FHIP1A: variants seen among roughly 807,000 people sequenced by gnomAD.
FHIP1A encodes FHF complex subunit HOOK-interacting protein 1A.
In FHIP1A, 61 loss-of-function variants were observed where a neutral mutation model predicts 88.6. The ratio of observed to expected loss-of-function variants is 0.69; its 90% confidence interval spans 0.56 to 0.85. FHIP1A has a LOEUF of 0.85. Ranked by LOEUF, FHIP1A falls within the 40% of genes least tolerant of loss-of-function variation. FHIP1A has a pLI of 0.00. For missense variants in FHIP1A, 1,154 were observed against 1,273.5 expected (o/e 0.91, Z 1.43); for synonymous variants, 478 against 496.0 (o/e 0.96, Z 0.48).
At chr4:151,580,149 T>G (rs1385810569) in intron 5 of FHIP1A, among the ~76,000 whole-genome samples, 2 of 152,192 alleles carry the variant, frequency 1.3e-5, no homozygotes, top group Admixed American at 6.5e-5. Flanking sequence ...TCAGGTCTCT[T>G]TAGTCTCCGT....
At chr4:151,606,614 A>G (rs963691800) in intron 7 of FHIP1A, among the ~76,000 whole-genome samples, 2 of 152,206 alleles carry the variant, frequency 1.3e-5, no homozygotes, top group Non-Finnish European at 2.9e-5. Flanking sequence ...TTCTACTTAT[A>G]TATTTCAATA....
Position 151,566,318 on chromosome 4 carries a change from T to C in FHIP1A, c.59T>C (p.Val20Ala), listed in dbSNP as rs1470457664. The change falls in exon 4 of 14, where the codon GTT becomes GCT. Residue 20 changes from valine (V) to alanine (A), a missense_variant. Physicochemically the swap from Val to Ala is moderately conservative, Grantham distance 64 (BLOSUM62 0). Transcript: ENST00000435205. Reference protein sequence around the residue: ...KLQQAVSLQGVDPETCMIVFK... With the variant: ...KLQQAVSLQGADPETCMIVFK... ...CAGCAGGCTGTGAGCCTACAGGGAG[T>C]TGACCCAGAAACATGCATGATTGTA... is the stretch of plus-strand genomic sequence containing the variant. The C allele has an allele frequency of 4.5e-6, 7 of 1,550,758 alleles. No individual in the cohort carries two copies. Among genetic ancestry groups the C allele is most frequent in the Admixed American group, 3.9e-5 (2 of 50,940 alleles).
intron 1 of FHIP1A, among the ~76,000 whole-genome samples, chr4:151,415,291 A>C (rs1033830283): frequency 6.6e-6 from 1 of 151,896 alleles, no homozygotes; most frequent in Non-Finnish European, 1.5e-5. Context: ...GGTTCGAGCA[A>C]TTCTCCTGCC....
chr4:151,455,877 A>G (rs1728949235), intron 2 of FHIP1A, among the ~76,000 whole-genome samples: 1 of 152,256 alleles, frequency 6.6e-6, no homozygotes, highest in Admixed American at 6.5e-5. Flanking sequence ...GTGGAAGTAT[A>G]TAAAACATAT....
intron 7 of FHIP1A, among the ~76,000 whole-genome samples, chr4:151,627,885 A>C (rs75098622): frequency 5.1e-4 from 77 of 152,338 alleles, no homozygotes; most frequent in African/African-American, 1.8e-3. Flanking sequence ...TTTATGTGCC[A>C]GGCTTTGTGC....
chr4:151,606,220 C>T (rs1334659370), intron 7 of FHIP1A, among the ~76,000 whole-genome samples: 3 of 152,138 alleles, frequency 2.0e-5, no homozygotes, highest in Non-Finnish European at 4.4e-5. Flanking sequence ...AGACACAAGT[C>T]CTCTTACTTG....
intron 3 of FHIP1A, among the ~76,000 whole-genome samples, chr4:151,554,735 C>T (rs891311092): frequency 1.3e-5 from 2 of 152,078 alleles, no homozygotes; most frequent in African/African-American, 4.8e-5. Flanking sequence ...TTTTAGCCCA[C>T]GCAGGTGGAA....
At chr4:151,555,015 T>C (rs1417548592) in intron 3 of FHIP1A, among the ~76,000 whole-genome samples, 5 of 152,180 alleles carry the variant, frequency 3.3e-5, no homozygotes, top group Admixed American at 3.3e-4. Context: ...TTAATCACTT[T>C]TTTGGGATAG....
intron 7 of FHIP1A, among the ~76,000 whole-genome samples, chr4:151,607,570 T>G (rs1227653422): frequency 6.6e-6 from 1 of 152,230 alleles, no homozygotes; most frequent in Admixed American, 6.5e-5. Flanking sequence ...TATATTCAAC[T>G]GATACAATTT....
At chr4:151,516,323 CG>C (rs1302585412) in intron 3 of FHIP1A, among the ~76,000 whole-genome samples, 1 of 151,406 alleles carries the variant, frequency 6.6e-6, no homozygotes, top group Non-Finnish European at 1.5e-5. Flanking sequence ...AAGACTTAAA[CG>C]TTAGACCTAA....
chr4:151,514,969 C>T (rs1364839628), intron 3 of FHIP1A, among the ~76,000 whole-genome samples: 3 of 152,084 alleles, frequency 2.0e-5, no homozygotes, highest in South Asian at 4.2e-4. Flanking sequence ...CCAGCATCAA[C>T]CTGATACCAA....
intron 5 of FHIP1A, among the ~76,000 whole-genome samples, chr4:151,584,962 T>G (rs1012000090): frequency 6.6e-6 from 1 of 152,176 alleles, no homozygotes; most frequent in Non-Finnish European, 1.5e-5. Context: ...GTAAGAGTCT[T>G]TTGTAAATCC....
intron 2 of FHIP1A, among the ~76,000 whole-genome samples, chr4:151,467,376 G>T (rs1382682407): frequency 6.6e-6 from 1 of 152,156 alleles, no homozygotes; most frequent in Non-Finnish European, 1.5e-5. Flanking sequence ...ACTGTCGATG[G>T]GAATGCAAAT....
chr4:151,635,353 T>G (rs1269195431), intron 8 of FHIP1A, among the ~76,000 whole-genome samples: 1 of 151,900 alleles, frequency 6.6e-6, no homozygotes, highest in Non-Finnish European at 1.5e-5. Flanking sequence ...TAGTACATTA[T>G]CCAGCAATCC....
chr4:151,515,768 A>G (rs1490154927), intron 3 of FHIP1A, among the ~76,000 whole-genome samples: 1 of 152,002 alleles, frequency 6.6e-6, no homozygotes, highest in South Asian at 2.1e-4. Flanking sequence ...CTTCAAGGAG[A>G]ACTACAAACC....
At chr4:151,527,080 T>G (rs1580670207) in intron 3 of FHIP1A, among the ~76,000 whole-genome samples, 2 of 117,576 alleles carry the variant, frequency 1.7e-5, no homozygotes, top group African/African-American at 3.3e-5. Flanking sequence ...TCCCAGACGA[T>G]GGGCGGCCGG....
chr4:151,621,825 C>T lies in FHIP1A; in HGVS notation c.979-7877C>T, dbSNP rs1026578974. On this transcript the variant is annotated intron_variant, in intron 7 of 13. Coordinates refer to ENST00000435205, the MANE Select transcript of FHIP1A (RefSeq NM_001109977.3). ...TTTTTTTTTCCAGTGGATCACTTTT[C>T]GAGGTTGCCATAATTGAAGAGCATG... Among the ~76,000 whole-genome samples the T allele has an allele frequency of 3.3e-5, 5 of 150,228 alleles. No individual in the cohort carries two copies. The South Asian group carries it at 6.3e-4, about 19-fold the overall frequency.
At chr4:151,442,764 G>T (rs1728457848) in intron 1 of FHIP1A, among the ~76,000 whole-genome samples, 1 of 152,074 alleles carries the variant, frequency 6.6e-6, no homozygotes, top group Admixed American at 6.5e-5. Context: ...TGCATCTCCT[G>T]CATTGGTCCT....
intron 2 of FHIP1A, among the ~76,000 whole-genome samples, chr4:151,462,417 GA>G (rs1425650452): frequency 6.6e-6 from 1 of 152,128 alleles, no homozygotes; most frequent in Non-Finnish European, 1.5e-5. Flanking sequence ...AGATTCTTCA[GA>G]TAACTGGAGC....
Sources: allele counts gnomAD v4.1 joint callset (sites outside exome capture counted in the v4.1 genomes callset), GRCh38; gene constraint gnomAD v4.1.1; transcripts MANE v1.5; gene names NCBI Gene and HGNC (gene_info 2026-07-23, HGNC 2026-07-21).